Variants in SLCO1B1 observed in about 807,000 individuals in gnomAD.
The protein encoded by SLCO1B1 is OATP-2.
Under a neutral mutation model 70.1 loss-of-function variants are expected in SLCO1B1, and 81 were observed. The observed-to-expected ratio is 1.16, with a 90% CI of 0.97 to 1.39. SLCO1B1 has a LOEUF of 1.39. Among genes scored for constraint, SLCO1B1 ranks in the 40% most tolerant of loss-of-function variants. The pLI, the probability that SLCO1B1 is intolerant of heterozygous loss-of-function variation, is 0.00. For missense variants in SLCO1B1, 895 were observed against 799.6 expected (o/e 1.12, Z -1.44); for synonymous variants, 283 against 271.5 (o/e 1.04, Z -0.42).
rs71581988 is a variant in SLCO1B1, at chr12:21,217,243, A to T, written c.1622A>T (p.Gln541Leu). The change falls in exon 12 of 15, where the codon CAA becomes CTA. Residue 541 changes from glutamine (Q) to leucine (L), a missense_variant. Transcript: ENST00000256958. ...TRKFYFFVAI[Q>L]VLNLFFSALG... ...AAATTTTACTTTTTTGTTGCAATACAAGTCTTGAATTTATTTTTCTCTGCA... is the reference window on the plus strand; with the variant it reads ...AAATTTTACTTTTTTGTTGCAATACTAGTCTTGAATTTATTTTTCTCTGCA... 87 of 1,613,650 alleles carry T rather than the reference A, an allele frequency of 5.4e-5. No homozygotes were observed. The South Asian group carries it at 9.3e-4, about 17-fold the overall frequency.
At chr12:21,223,244 A>G (rs866812138) in intron 13 of SLCO1B1, among the ~76,000 whole-genome samples, 2 of 152,170 alleles carry the variant, frequency 1.3e-5, no homozygotes, top group Non-Finnish European at 2.9e-5. Flanking sequence ...GATGTATCCA[A>G]TCTGTGGCAC....
chr12:21,176,915 C>T lies in SLCO1B1; in HGVS notation c.481+18C>T. On this transcript the variant is annotated intron_variant, in intron 5 of 14. Coordinates refer to ENST00000256958, the MANE Select transcript of SLCO1B1 (RefSeq NM_006446.5). Reference sequence around the variant, plus strand: ...GGGAAAAGGTAAGAATTAATATTGACAGTAAAAAGTCTTCTAAAATGTATA... The same window carrying T: ...GGGAAAAGGTAAGAATTAATATTGATAGTAAAAAGTCTTCTAAAATGTATA... The T allele has an allele frequency of 1.3e-6, 2 of 1,529,422 alleles. No individual in the cohort carries two copies. The highest frequency in any genetic ancestry group is 1.1e-5 in the South Asian group (1 of 89,982). 94.7% of individuals were successfully genotyped at this position (1,529,422 alleles called of 1,614,324 possible). A position where few individuals can be genotyped will look rare whatever the true frequency, so the allele number is the denominator to read the frequency against.
chr12:21,228,082 C>T (rs914040439), intron 14 of SLCO1B1, among the ~76,000 whole-genome samples: 7 of 152,016 alleles, frequency 4.6e-5, no homozygotes. Flanking sequence ...AATTTATGCT[C>T]ATCCCAAGAC....
intron 1 of SLCO1B1, among the ~76,000 whole-genome samples, chr12:21,137,074 GT>G (rs1940234148): frequency 2.6e-5 from 4 of 152,206 alleles, no homozygotes; most frequent in East Asian, 1.9e-4. Flanking sequence ...CTGCAGGTCT[GT>G]TAGAGTTTGC....
intron 8 of SLCO1B1, among the ~76,000 whole-genome samples, chr12:21,198,791 C>T (rs1463021553): frequency 6.6e-6 from 1 of 152,060 alleles, no homozygotes; most frequent in Non-Finnish European, 1.5e-5. Context: ...TCCTAAGGTA[C>T]TTAGTTTAAT....
intron 1 of SLCO1B1, among the ~76,000 whole-genome samples, chr12:21,136,875 G>T (rs564149389): frequency 6.6e-6 from 1 of 152,312 alleles, no homozygotes; most frequent in South Asian, 2.1e-4. Context: ...TGCTGGTGAG[G>T]AGCTGCATTC....
chr12:21,185,198 A>ACAGG (rs3060575), intron 7 of SLCO1B1, among the ~76,000 whole-genome samples: 18,520 of 152,102 alleles, frequency 0.12, 1,485 homozygotes, highest in Non-Finnish European at 0.18. Context: ...ACAGTGTTAG[A>ACAGG]TATCGAAGCA....
chr12:21,220,026 G>T (rs1268556547), intron 12 of SLCO1B1, among the ~76,000 whole-genome samples: 1 of 152,180 alleles, frequency 6.6e-6, no homozygotes, highest in Non-Finnish European at 1.5e-5. Flanking sequence ...CTCTCAAAGT[G>T]CTGGGATTAC....
chr12:21,164,716 A>G, intron 2 of SLCO1B1: 1 of 436,014 alleles, frequency 2.3e-6, no homozygotes, highest in Non-Finnish European at 4.5e-6. Context: ...TGTGCTTCCT[A>G]TTTTGTTTTA....
chr12:21,167,388 T>A (rs2121089098), intron 2 of SLCO1B1, among the ~76,000 whole-genome samples: 1 of 152,268 alleles, frequency 6.6e-6, no homozygotes, highest in Non-Finnish European at 1.5e-5. Context: ...AGTACAGAAC[T>A]TCATAAATTA....
Position 21,200,669 on chromosome 12 carries a change from T to G in SLCO1B1, c.1132T>G (p.Leu378Val). 3 of 1,611,484 alleles carry G rather than the reference T, an allele frequency of 1.9e-6. No individual in the cohort carries two copies. Among genetic ancestry groups the G allele is most frequent in the Non-Finnish European group, 2.5e-6 (3 of 1,178,506 alleles). ...GCCTTCATCTAAGGCTAACATCTTA[T>G]TGGGTAAGACATATTTTTTACTTGT... Reference protein sequence around the residue: ...GQPSSKANILLGVITIPIFAS... With the variant: ...GQPSSKANILVGVITIPIFAS... The change falls in exon 9 of 15, where the codon TTG becomes GTG. Residue 378 changes from leucine (L) to valine (V), a missense_variant. Leu to Val is a conservative substitution (Grantham distance 32). Transcript: ENST00000256958.
In SLCO1B1 at chr12:21,133,170, C is replaced by T. The variant is rs565015415; in HGVS notation, c.-62+1934C>T. Among the ~76,000 whole-genome samples the T allele has an allele frequency of 2.0e-4, 31 of 152,190 alleles. No homozygotes were observed. In the East Asian group the frequency reaches 4.6e-3, roughly 23 times the overall value. Reference sequence around the variant, plus strand: ...ATATGCGGCACTATTTCTGAGGGCTCTGTTCTGTTCCATTGGTCTATATCT... The same window carrying T: ...ATATGCGGCACTATTTCTGAGGGCTTTGTTCTGTTCCATTGGTCTATATCT... On this transcript the variant is annotated intron_variant, in intron 1 of 14. Transcript: ENST00000256958.
At chr12:21,230,007 G>A (rs2121201713) in intron 14 of SLCO1B1, among the ~76,000 whole-genome samples, 1 of 152,258 alleles carries the variant, frequency 6.6e-6, no homozygotes, top group African/African-American at 2.4e-5. Context: ...GGTTTTGGCA[G>A]ATATTTTTGA....
chr12:21,207,887 G>T (rs989082035), intron 11 of SLCO1B1, among the ~76,000 whole-genome samples: 10 of 151,794 alleles, frequency 6.6e-5, no homozygotes, highest in Non-Finnish European at 1.2e-4. Flanking sequence ...GCATTTTTTT[G>T]ATGATTAGTG....
At chr12:21,163,769 C>A (rs1940651857) in intron 2 of SLCO1B1, among the ~76,000 whole-genome samples, 1 of 152,076 alleles carries the variant, frequency 6.6e-6, no homozygotes. Context: ...AATCACCCCC[C>A]AAAAGCTTCA....
intron 1 of SLCO1B1, among the ~76,000 whole-genome samples, chr12:21,138,769 C>G (rs953912609): frequency 7.0e-5 from 2 of 28,696 alleles, no homozygotes; most frequent in Non-Finnish European, 2.5e-4. Flanking sequence ...GCATTACAAC[C>G]AAGAATGGAG....
At chr12:21,138,472 A>T (rs1565662957) in intron 1 of SLCO1B1, among the ~76,000 whole-genome samples, 1 of 152,232 alleles carries the variant, frequency 6.6e-6, no homozygotes. Context: ...TGAATTAGAA[A>T]GTGTGGCATT....
intron 2 of SLCO1B1, among the ~76,000 whole-genome samples, chr12:21,163,785 T>G (rs565778130): frequency 6.6e-6 from 1 of 152,170 alleles, no homozygotes; most frequent in Non-Finnish European, 1.5e-5. Flanking sequence ...CTTCACCTCC[T>G]GATACCATCA....
At chr12:21,154,632 T>G (rs1449953877) in intron 2 of SLCO1B1, among the ~76,000 whole-genome samples, 1 of 152,142 alleles carries the variant, frequency 6.6e-6, no homozygotes, top group Non-Finnish European at 1.5e-5. Flanking sequence ...TTCTAGACAC[T>G]ATGACTATTT....
Sources: gnomAD v4.1 joint callset for allele counts (sites outside exome capture counted in the v4.1 genomes callset) on GRCh38, gnomAD v4.1.1 for gene constraint, MANE v1.5 for transcripts, NCBI Gene and HGNC (gene_info 2026-07-23, HGNC 2026-07-21) for gene names.